The following HDAC9 variants were observed in gnomAD, a reference collection of about 807,000 sequenced individuals.
The protein encoded by HDAC9 is histone deacetylase 9, also known as MEF-2 interacting transcription repressor (MITR) protein.
HDAC9 carries 41 observed loss-of-function variants against 139.4 expected under a neutral mutation model. That is an observed-to-expected ratio of 0.29 (90% confidence interval 0.23 to 0.38). The LOEUF is 0.38. HDAC9 is among the 10% of genes least tolerant of loss of function. HDAC9 has a pLI of 1.00. For synonymous variants in HDAC9, 517 were observed against 476.2 expected (o/e 1.09, Z -1.12); for missense variants, 1,147 against 1,297.0 (o/e 0.88, Z 1.78).
intron 11 of HDAC9, among the ~76,000 whole-genome samples, chr7:18,649,465 A>G (rs1282375652): frequency 6.6e-6 from 1 of 152,152 alleles, no homozygotes; most frequent in African/African-American, 2.4e-5. Flanking sequence ...GGTCCTGAGT[A>G]TTAAAATTCT....
rs563788399 is a variant in HDAC9, at chr7:18,723,778, C to T, written c.1732-3802C>T. Among the ~76,000 whole-genome samples, 5 of 152,092 alleles carry T rather than the reference C, an allele frequency of 3.3e-5. 1 individual carries two copies. Among genetic ancestry groups the T allele is most frequent in the African/African-American group, 9.6e-5 (4 of 41,482 alleles). On this transcript the variant is annotated intron_variant, in intron 12 of 25. Transcript: ENST00000686413. ...GGAGTCCTTACGGTATCAAACTACT[C>T]ATTAACAGGAAAAATATTTAGTAAC...
intron 22 of HDAC9, among the ~76,000 whole-genome samples, chr7:18,879,380 CTG>C (rs1799555606): frequency 6.6e-6 from 1 of 152,098 alleles, no homozygotes; most frequent in Admixed American, 6.6e-5. Context: ...AAGAGCATAG[CTG>C]GAGGCATCAT....
At chr7:18,363,338 A>C (rs374354063) in intron 1 of HDAC9, among the ~76,000 whole-genome samples, 2 of 152,114 alleles carry the variant, frequency 1.3e-5, no homozygotes, top group Admixed American at 1.3e-4. Context: ...GGATTAATGG[A>C]CAGGGATTCT....
intron 12 of HDAC9, chr7:18,667,916 T>C (rs1275838519): frequency 1.0e-6 from 1 of 981,584 alleles, no homozygotes; most frequent in Non-Finnish European, 1.2e-6. Flanking sequence ...AAGACCCCTT[T>C]AATATGGATA....
At chr7:18,495,615 T>C, upstream of HDAC9, 1 of 349,980 alleles carries the variant, frequency 2.9e-6, no homozygotes. Flanking sequence ...CACTCGGCCA[T>C]GCTTGACCTA....
Position 18,924,875 on chromosome 7 carries a change from A to G in HDAC9, c.2804-10934A>G, listed in dbSNP as rs997468899. ...AAATCAGTGCATAAGCTTTTTGGCA[A>G]TGGTCAATTATAAGTGTTGCCATGG... On this transcript the variant is annotated intron_variant, in intron 22 of 25. Coordinates refer to ENST00000686413, the MANE Select transcript of HDAC9 (RefSeq NM_178425.4). Among the ~76,000 whole-genome samples, 3 of 152,264 alleles carry G rather than the reference A, an allele frequency of 2.0e-5. No homozygotes were observed. The South Asian group carries it at 6.2e-4, about 32-fold the overall frequency.
At chr7:18,880,202 G>A (rs1427503260) in intron 22 of HDAC9, among the ~76,000 whole-genome samples, 5 of 152,182 alleles carry the variant, frequency 3.3e-5, no homozygotes, top group African/African-American at 1.2e-4. Flanking sequence ...CTTAGACACT[G>A]TTGGTGGGAA....
intron 11 of HDAC9, among the ~76,000 whole-genome samples, chr7:18,657,716 C>G (rs1220738650): frequency 2.0e-5 from 3 of 152,184 alleles, no homozygotes; most frequent in African/African-American, 7.2e-5. Flanking sequence ...CAGTCTTCCT[C>G]TTTCTACTTT....
intron 21 of HDAC9, among the ~76,000 whole-genome samples, chr7:18,866,881 A>C (rs915289046): frequency 6.6e-6 from 1 of 152,154 alleles, no homozygotes; most frequent in African/African-American, 2.4e-5. Context: ...ACAACACTTG[A>C]CTCAATGTCA....
intron 2 of HDAC9, among the ~76,000 whole-genome samples, chr7:18,200,254 T>A (rs902601852): frequency 1.3e-5 from 2 of 152,242 alleles, no homozygotes; most frequent in Admixed American, 1.3e-4. Flanking sequence ...ATTAAAATCC[T>A]CTGATGTAAT....
At chr7:18,338,699 A>G (rs1332135526) in intron 1 of HDAC9, among the ~76,000 whole-genome samples, 1 of 151,488 alleles carries the variant, frequency 6.6e-6, no homozygotes, top group Non-Finnish European at 1.5e-5. Flanking sequence ...ATTCTATTTA[A>G]ATAACATTGG....
chr7:18,829,524 A>G lies in HDAC9; in HGVS notation c.2442A>G (p.Ile814Met). The G allele has an allele frequency of 6.2e-7, 1 of 1,608,164 alleles. No individual in the cohort carries two copies. Among genetic ancestry groups the G allele is most frequent in the South Asian group, 1.1e-5 (1 of 90,798 alleles). The change falls in exon 19 of 26, where the codon ATA becomes ATG. Residue 814 changes from isoleucine (I) to methionine (M), a missense_variant. Physicochemically the swap from Ile to Met is conservative, Grantham distance 10. Around this residue, in one of 7 missense-constraint regions of HDAC9, gnomAD observed 407 missense variants for 521.5 expected, o/e 0.78. Coordinates refer to ENST00000686413, the MANE Select transcript of HDAC9 (RefSeq NM_178425.4). ...AATACTTGAGAGACCAACTAAATAT[A>G]AGCAAGATATTGATTGTAGATCTGG... ...TAKYLRDQLN[I>M]SKILIVDLDV...
chr7:18,389,512 C>G (rs1176548384), intron 1 of HDAC9, among the ~76,000 whole-genome samples: 1 of 152,132 alleles, frequency 6.6e-6, no homozygotes, highest in Non-Finnish European at 1.5e-5. Context: ...TCTGTAAAGG[C>G]TAGATCTGAA....
chr7:18,392,769 C>T (rs555685640), intron 1 of HDAC9, among the ~76,000 whole-genome samples: 1 of 151,890 alleles, frequency 6.6e-6, no homozygotes, highest in Non-Finnish European at 1.5e-5. Flanking sequence ...GGAGGGGTCA[C>T]TCAGATATGA....
chr7:18,373,566 T>A (rs1049405056), intron 1 of HDAC9, among the ~76,000 whole-genome samples: 1 of 152,198 alleles, frequency 6.6e-6, no homozygotes, highest in African/African-American at 2.4e-5. Context: ...TGTTTGAATA[T>A]TGAAAACATT....
intron 2 of HDAC9, among the ~76,000 whole-genome samples, chr7:18,553,143 G>A (rs1817677934): frequency 6.6e-6 from 1 of 151,988 alleles, no homozygotes; most frequent in South Asian, 2.1e-4. Flanking sequence ...TGTGTATTTT[G>A]GCATGGCCCA....
chr7:18,733,921 G>C (rs1047713383), intron 13 of HDAC9, among the ~76,000 whole-genome samples: 1 of 151,998 alleles, frequency 6.6e-6, no homozygotes, highest in Non-Finnish European at 1.5e-5. Flanking sequence ...CTGGAGATAA[G>C]ACATATTTTG....
At chr7:18,546,105 G>C (rs1186166895) in intron 2 of HDAC9, among the ~76,000 whole-genome samples, 5 of 152,190 alleles carry the variant, frequency 3.3e-5, no homozygotes, top group African/African-American at 4.8e-5. Flanking sequence ...ATTTTTGGCT[G>C]CTTTTCTTCC....
intron 2 of HDAC9, among the ~76,000 whole-genome samples, chr7:18,218,649 A>G (rs143907010): frequency 1.3e-5 from 2 of 152,132 alleles, no homozygotes; most frequent in South Asian, 2.1e-4. Context: ...TAGGTCCACC[A>G]TTCAGTCCCT....
Sources: gnomAD v4.1 joint callset for allele counts (sites outside exome capture counted in the v4.1 genomes callset) on GRCh38, gnomAD v4.1.1 for gene constraint, gnomAD v4.1.1 regional missense constraint, MANE v1.5 for transcripts, NCBI Gene and HGNC (gene_info 2026-07-23, HGNC 2026-07-21) for gene names.